KIAA1328: variants seen among roughly 807,000 people sequenced by gnomAD.
The protein encoded by KIAA1328 is KIAA1328.
A neutral mutation model predicts 68.1 loss-of-function variants in KIAA1328; 52 were observed. The ratio of observed to expected loss-of-function variants is 0.76; its 90% CI spans 0.61 to 0.96. The LOEUF is 0.96. Ranked by LOEUF, KIAA1328 falls within the 40% of genes least tolerant of loss-of-function variation. The pLI is 0.00. For missense variants in KIAA1328, 641 were observed against 677.6 expected (o/e 0.95, Z 0.60); for synonymous variants, 232 against 239.4 (o/e 0.97, Z 0.28).
intron 6 of KIAA1328, among the ~76,000 whole-genome samples, chr18:37,014,414 G>T (rs1345193892): frequency 6.6e-6 from 1 of 152,128 alleles, no homozygotes; most frequent in Non-Finnish European, 1.5e-5. Flanking sequence ...CTTTCCCAAG[G>T]CCCATGTCCC....
intron 7 of KIAA1328, among the ~76,000 whole-genome samples, chr18:37,140,722 AT>A (rs1268474180): frequency 6.6e-6 from 1 of 152,122 alleles, no homozygotes; most frequent in Non-Finnish European, 1.5e-5. Context: ...GATATTGATT[AT>A]TTTTTCATCA....
chr18:36,986,623 C>A, intron 6 of KIAA1328, among the ~76,000 whole-genome samples: 1 of 42,180 alleles, frequency 2.4e-5, no homozygotes, highest in Admixed American at 3.0e-4. Flanking sequence ...ACAATGAACT[C>A]AAACAAATTT....
intron 9 of KIAA1328, among the ~76,000 whole-genome samples, chr18:37,212,433 A>G (rs1339635479): frequency 6.6e-6 from 1 of 152,180 alleles, no homozygotes; most frequent in African/African-American, 2.4e-5. Flanking sequence ...GGCCAATAAC[A>G]TAACTTGCCA....
intron 6 of KIAA1328, among the ~76,000 whole-genome samples, chr18:37,023,271 A>G (rs914586756): frequency 6.6e-6 from 1 of 152,104 alleles, no homozygotes; most frequent in African/African-American, 2.4e-5. Flanking sequence ...CTGGTGTGCT[A>G]TGGCATGAGC....
At chr18:37,083,634 A>G (rs2057014409) in intron 7 of KIAA1328, among the ~76,000 whole-genome samples, 1 of 152,204 alleles carries the variant, frequency 6.6e-6, no homozygotes, top group African/African-American at 2.4e-5. Flanking sequence ...CTTTTGGAAG[A>G]ATTCATCTTT....
At chr18:37,078,121 C>A (rs1478107707) in intron 7 of KIAA1328, among the ~76,000 whole-genome samples, 1 of 152,062 alleles carries the variant, frequency 6.6e-6, no homozygotes, top group Admixed American at 6.5e-5. Context: ...GTACTGGTAC[C>A]AAAACAGAGA....
intron 9 of KIAA1328, among the ~76,000 whole-genome samples, chr18:37,203,869 G>A (rs891527498): frequency 1.3e-5 from 2 of 151,890 alleles, no homozygotes; most frequent in African/African-American, 4.8e-5. Flanking sequence ...GAGTGCAGTG[G>A]CGCCATCTCA....
intron 7 of KIAA1328, among the ~76,000 whole-genome samples, chr18:37,077,353 A>C (rs1366428332): frequency 6.9e-6 from 1 of 144,976 alleles, no homozygotes; most frequent in Non-Finnish European, 1.5e-5. Flanking sequence ...AGAGCTATCT[A>C]TGACAAACCC....
At chr18:36,833,055 G>T (rs2046549837) in intron 1 of KIAA1328, 1 of 151,800 alleles carries the variant, frequency 6.6e-6, no homozygotes, top group African/African-American at 2.4e-5. Context: ...TGTTAGCCAG[G>T]ATGATCTCGA....
chr18:37,179,500 C>T (rs1168581166), intron 9 of KIAA1328, among the ~76,000 whole-genome samples: 2 of 152,200 alleles, frequency 1.3e-5, no homozygotes, highest in Admixed American at 1.3e-4. Flanking sequence ...TAAGCTCATG[C>T]CTTGCTGAGC....
chr18:37,219,077 T>C (rs1038087156), intron 9 of KIAA1328, among the ~76,000 whole-genome samples: 6 of 152,226 alleles, frequency 3.9e-5, no homozygotes, highest in Non-Finnish European at 8.8e-5. Context: ...GTGTCTCAGC[T>C]GCAGGTCTGT....
chr18:36,874,870 G>A (rs992714394), intron 4 of KIAA1328, among the ~76,000 whole-genome samples: 1 of 152,100 alleles, frequency 6.6e-6, no homozygotes, highest in African/African-American at 2.4e-5. Context: ...TGTAAGGAAG[G>A]GGTCCAGTTT....
downstream of KIAA1328, among the ~76,000 whole-genome samples, chr18:37,226,877 T>G (rs1317120048): frequency 6.6e-6 from 1 of 152,060 alleles, no homozygotes; most frequent in Non-Finnish European, 1.5e-5. Flanking sequence ...AAGCAATTCT[T>G]CTGCCTCAGC....
chr18:36,875,171 T>A (rs765192297), intron 4 of KIAA1328, among the ~76,000 whole-genome samples: 22 of 152,226 alleles, frequency 1.4e-4, no homozygotes, highest in Non-Finnish European at 1.2e-4. Context: ...TTTGGTTTCA[T>A]ATGAAATTTA....
At chr18:36,842,480 C>T (rs1191485693) in intron 3 of KIAA1328, among the ~76,000 whole-genome samples, 2 of 152,054 alleles carry the variant, frequency 1.3e-5, no homozygotes, top group East Asian at 3.9e-4. Flanking sequence ...ATGGTGTTTC[C>T]AGAGTCTTAG....
intron 7 of KIAA1328, among the ~76,000 whole-genome samples, chr18:37,143,426 T>A (rs186660023): frequency 1.3e-5 from 2 of 152,210 alleles, no homozygotes; most frequent in Admixed American, 1.3e-4. Flanking sequence ...TAAGTTTTTG[T>A]AGATTCCTTA....
chr18:36,892,170 T>A (rs1157195535), intron 5 of KIAA1328, among the ~76,000 whole-genome samples: 1 of 152,036 alleles, frequency 6.6e-6, no homozygotes, highest in Non-Finnish European at 1.5e-5. Flanking sequence ...TGCAGGAAGC[T>A]GTATCATAGA....
chr18:37,110,400 G>C (rs572563609), intron 7 of KIAA1328, among the ~76,000 whole-genome samples: 1 of 152,306 alleles, frequency 6.6e-6, no homozygotes, highest in Admixed American at 6.5e-5. Context: ...ACCTTTATGT[G>C]CCTGTAAATA....
At chr18:37,157,612 C>T (rs2059180006) in intron 7 of KIAA1328, among the ~76,000 whole-genome samples, 2 of 151,906 alleles carry the variant, frequency 1.3e-5, no homozygotes, top group South Asian at 4.2e-4. Context: ...GAGTTCAAGA[C>T]CAGCCTGGCC....
Sources: gnomAD v4.1 joint callset for allele counts (sites outside exome capture counted in the v4.1 genomes callset) on GRCh38, gnomAD v4.1.1 for gene constraint, MANE v1.5 for transcripts, NCBI Gene and HGNC (gene_info 2026-07-23, HGNC 2026-07-21) for gene names.